The following SLC27A1 variants were observed in gnomAD, a reference collection of about 807,000 sequenced individuals.
SLC27A1 encodes the protein solute carrier family 27 member 1.
SLC27A1 carries 61 observed loss-of-function variants against 62.2 expected under a neutral mutation model. The observed-to-expected ratio is 0.98, with a 90% CI of 0.80 to 1.21. The LOEUF (loss-of-function observed/expected upper bound fraction) is 1.21. SLC27A1 is among the 50% of genes most tolerant of loss of function. The pLI is 0.00. For missense variants in SLC27A1, 903 were observed against 932.1 expected, an observed-to-expected ratio of 0.97 and a Z score of 0.41; for synonymous variants, 435 against 408.6, an observed-to-expected ratio of 1.06 and a Z score of -0.78.
In SLC27A1 at chr19:17,504,900, C is replaced by CG. The variant is rs763018538; in HGVS notation, c.*288_*289insG. 40 of 519,978 alleles carry CG rather than the reference C, an allele frequency of 7.7e-5. 1 individual carries two copies. Among genetic ancestry groups the CG allele is most frequent in the Non-Finnish European group, 1.3e-4 (37 of 274,798 alleles). The allele number at this position is 519,978 out of a possible 1,614,324, so 32.2% of individuals were successfully genotyped here. A position where few individuals can be genotyped will look rare whatever the true frequency, so the allele number is the denominator to read the frequency against. On this transcript the variant is annotated 3_prime_UTR_variant, in exon 12 of 12. Coordinates refer to ENST00000252595, the MANE Select transcript of SLC27A1 (RefSeq NM_198580.3). Reference sequence around the variant, plus strand: ...CTCTTTTTCTTTTCTTTCTTTCTTTCTTTTTTTTTTAAGATAGAGTCTCAC... The same window carrying CG: ...CTCTTTTTCTTTTCTTTCTTTCTTTCGTTTTTTTTTTAAGATAGAGTCTCAC...
chr19:17,499,651 C>A (rs374279139), intron 7 of SLC27A1, among the ~76,000 whole-genome samples: 80 of 142,460 alleles, frequency 5.6e-4, no homozygotes, highest in Non-Finnish European at 5.6e-4. Flanking sequence ...ACTAAAAATA[C>A]AAAAAAAAAA....
At chr19:17,493,227 A>G (rs2075313001) in intron 6 of SLC27A1, among the ~76,000 whole-genome samples, 1 of 151,780 alleles carries the variant, frequency 6.6e-6, no homozygotes, top group African/African-American at 2.4e-5. Flanking sequence ...TCAGGTCAGG[A>G]GTTCAAGACC....
chr19:17,489,226 GC>G, intron 6 of SLC27A1, 109 bp downstream of exon 6: 1 of 876,308 alleles, frequency 1.1e-6, no homozygotes, highest in Non-Finnish European at 1.8e-6. Flanking sequence ...TCCCAGCAAA[GC>G]CCCACCTCCT....
intron 1 of SLC27A1, among the ~76,000 whole-genome samples, chr19:17,484,618 T>C (rs888647520): frequency 1.3e-5 from 2 of 149,674 alleles, no homozygotes; most frequent in Non-Finnish European, 3.0e-5. Context: ...GGGGAAAGAA[T>C]GAATGACGGA....
At chr19:17,502,352 T>TG (rs2075426102) in intron 11 of SLC27A1, among the ~76,000 whole-genome samples, 2 of 110,020 alleles carry the variant, frequency 1.8e-5, no homozygotes, top group Non-Finnish European at 1.9e-5. Flanking sequence ...TTGTTTTTTT[T>TG]TTTTTTTTTT....
intron 6 of SLC27A1, among the ~76,000 whole-genome samples, chr19:17,492,981 G>A (rs150041339): frequency 6.6e-6 from 1 of 151,730 alleles, no homozygotes; most frequent in East Asian, 2.0e-4. Context: ...AAATTAGCCA[G>A]GTGCGGTGGT....
In SLC27A1 at chr19:17,505,704, C is replaced by A. The variant is rs1421954175; in HGVS notation, c.*1092C>A. On this transcript the variant is annotated 3_prime_UTR_variant, in exon 12 of 12. Coordinates refer to ENST00000252595, the MANE Select transcript of SLC27A1 (RefSeq NM_198580.3). ...ACTGCGTGGCTGCCCAGCCAGCTGC[C>A]TCCTGTCCTGGGAGGAGGCCTCCTG... The A allele has an allele frequency of 6.5e-6, 1 of 152,834 alleles. No homozygotes were observed. The highest frequency in any genetic ancestry group is 2.4e-5 in the African/African-American group (1 of 41,444). 9.5% of individuals were successfully genotyped at this position (152,834 alleles called of 1,614,324 possible). A position where few individuals can be genotyped will look rare whatever the true frequency, so the allele number is the denominator to read the frequency against.
At chr19:17,481,785 G>GATA (rs2075181157) in intron 1 of SLC27A1, among the ~76,000 whole-genome samples, 1 of 152,202 alleles carries the variant, frequency 6.6e-6, no homozygotes, top group Admixed American at 6.5e-5. Flanking sequence ...GGGATTACAG[G>GATA]CATGAGCCAG....
At chr19:17,473,929 C>T (rs1364998676) in intron 1 of SLC27A1, among the ~76,000 whole-genome samples, 1 of 152,070 alleles carries the variant, frequency 6.6e-6, no homozygotes, top group Non-Finnish European at 1.5e-5. Flanking sequence ...TGTTTTCTTT[C>T]TTTGCTTTGG....
chr19:17,484,420 G>C (rs1216949169), intron 1 of SLC27A1, among the ~76,000 whole-genome samples: 1 of 152,098 alleles, frequency 6.6e-6, no homozygotes, highest in Non-Finnish European at 1.5e-5. Context: ...GTGAAACCCT[G>C]TCTCTACAAA....
intron 6 of SLC27A1, among the ~76,000 whole-genome samples, chr19:17,493,650 A>G (rs1181147174): frequency 3.3e-5 from 5 of 150,638 alleles, no homozygotes; most frequent in Non-Finnish European, 7.4e-5. Context: ...TTTGAGACAC[A>G]GTCTCGCTGC....
intron 1 of SLC27A1, among the ~76,000 whole-genome samples, chr19:17,482,348 G>A (rs896166418): frequency 2.6e-5 from 4 of 152,030 alleles, no homozygotes; most frequent in African/African-American, 7.2e-5. Flanking sequence ...ACGAAACTCC[G>A]TCTCTACTAA....
rs1038163178 is a variant in SLC27A1 at position 17,486,510 on chromosome 19, G to A, written c.168-53G>A. ...CAGCGGGGAGGCTGAGGCTCCCAGA[G>A]GCCAGGCGGGGCAGGGCACCAGTGA... On this transcript the variant is annotated intron_variant, in intron 1 of 11. Transcript: ENST00000252595. The surrounding 1 kb of genome is among the most constrained non-coding windows in gnomAD (Gnocchi z 6.6). 25 of 1,505,440 alleles carry A rather than the reference G, an allele frequency of 1.7e-5. No homozygotes were observed. The highest frequency in any genetic ancestry group is 1.2e-4 in the Admixed American group (6 of 48,704). 93.3% of individuals were successfully genotyped at this position (1,505,440 alleles called of 1,614,324 possible). A position where few individuals can be genotyped will look rare whatever the true frequency, so the allele number is the denominator to read the frequency against.
chr19:17,494,137 G>A (rs1261989459), intron 6 of SLC27A1, among the ~76,000 whole-genome samples: 1 of 150,720 alleles, frequency 6.6e-6, no homozygotes, highest in East Asian at 1.9e-4. Context: ...TCCTGCCTCA[G>A]CCTCCTGAGT....
At chr19:17,489,151 C>T in intron 6 of SLC27A1, 34 bp downstream of exon 6, 1 of 1,572,936 alleles carries the variant, frequency 6.4e-7, no homozygotes, top group Non-Finnish European at 8.7e-7. Context: ...TAGACCCCGC[C>T]CCTCCCAGCC....
At position 17,478,242 on chromosome 19, in the gene SLC27A1, G is replaced by A. The variant is rs185230370; in HGVS notation, c.167+7535G>A. On this transcript the variant is annotated intron_variant, in intron 1 of 11. Transcript: ENST00000252595. The stretch of plus-strand genomic sequence containing the variant: ...AGCACTTTGGGAGGCTGAGGCAGGC[G>A]GATCACCTGAGGTCAGGAGTTTGAG... 2.0e-3 allele frequency among the ~76,000 whole-genome samples: 307 copies of A among 151,946 alleles called. 2 individuals carry two copies. Among genetic ancestry groups the A allele is most frequent in the African/African-American group, 5.7e-3 (237 of 41,452 alleles).
rs977950978 is a variant in SLC27A1 at position 17,488,855 on chromosome 19, C to A, written c.802C>A (p.Arg268Ser). 1 of 1,613,470 alleles carries A rather than the reference C, an allele frequency of 6.2e-7. No homozygotes were observed. Among genetic ancestry groups the A allele is most frequent in the Non-Finnish European group, 8.5e-7 (1 of 1,179,932 alleles). Residue 268 changes from arginine (R) to serine (S), a missense_variant, in exon 5 of 12, where the codon CGC becomes AGC. By Grantham distance (110) the Arg-to-Ser change is moderately radical. Coordinates refer to ENST00000252595, the MANE Select transcript of SLC27A1 (RefSeq NM_198580.3). ...CTCCCCCTCCCCCTGCAGGTACTAC[C>A]GCATGGCAGCCTTCGGCCACCACGC... ...AAIVVHSRYY[R>S]MAAFGHHAYR...
At chr19:17,494,233 C>T (rs1229891188) in intron 6 of SLC27A1, among the ~76,000 whole-genome samples, 2 of 151,764 alleles carry the variant, frequency 1.3e-5, no homozygotes, top group African/African-American at 4.8e-5. Flanking sequence ...CGGTGTTAGC[C>T]AGGATGGTCT....
intron 1 of SLC27A1, among the ~76,000 whole-genome samples, chr19:17,481,611 C>T (rs1357465488): frequency 6.6e-6 from 1 of 152,222 alleles, no homozygotes; most frequent in East Asian, 1.9e-4. Context: ...TCAAGCGATC[C>T]TCCTGCTTCA....
Sources: allele counts gnomAD v4.1 joint callset (sites outside exome capture counted in the v4.1 genomes callset), GRCh38; gene constraint gnomAD v4.1.1; non-coding constraint Gnocchi (gnomAD v3.1); transcripts MANE v1.5; gene names NCBI Gene and HGNC (gene_info 2026-07-23, HGNC 2026-07-21).